Variants in MACF1 observed in about 807,000 individuals in gnomAD.
MACF1 encodes microtubule-actin cross-linking factor 1.
MACF1 carries 193 observed loss-of-function variants against 854.8 expected under a neutral mutation model. The ratio of observed to expected loss-of-function variants is 0.23; its 90% CI spans 0.20 to 0.25. The LOEUF is 0.25. Ranked by LOEUF, MACF1 falls within the 10% of genes least tolerant of loss-of-function variation. MACF1 has a pLI of 1.00. For missense variants in MACF1, 7,722 were observed against 8,929.1 expected (o/e 0.86, Z 5.45); for synonymous variants, 3,185 against 3,226.7 (o/e 0.99, Z 0.44).
At chr1:39,102,441 G>GC (rs1557454151) in intron 2 of MACF1, among the ~76,000 whole-genome samples, 1 of 150,014 alleles carries the variant, frequency 6.7e-6, no homozygotes, top group African/African-American at 2.5e-5. Context: ...AGGCGGGGGG[G>GC]GGGTCAAGGA....
At chr1:39,119,744 G>C (rs140392348) in intron 2 of MACF1, among the ~76,000 whole-genome samples, 11 of 151,840 alleles carry the variant, frequency 7.2e-5, no homozygotes, top group Non-Finnish European at 1.3e-4. Context: ...TGCTTTTCCC[G>C]TCCATCCAGT....
At chr1:39,337,778 T>G (rs1022108830) in intron 38 of MACF1, among the ~76,000 whole-genome samples, 1 of 145,730 alleles carries the variant, frequency 6.9e-6, no homozygotes, top group East Asian at 2.0e-4. Flanking sequence ...TGTGTGTGTG[T>G]TTTTTTTTTG....
At position 39,442,066 on chromosome 1, in the gene MACF1, G is replaced by T. The variant is rs187037033; in HGVS notation, c.18774+13G>T. 83 of 1,602,438 alleles carry T rather than the reference G, an allele frequency of 5.2e-5. No homozygotes were observed. The African/African-American group carries it at 8.8e-4, about 17-fold the overall frequency. On this transcript the variant is annotated intron_variant, in intron 75 of 100. Coordinates refer to ENST00000564288, the MANE Select transcript of MACF1 (RefSeq NM_001394062.1). ...AAATGAAATGAAGGTTTGTATCTGG[G>T]TATGGCTTTTGAAGAAGAATTGTTT...
At chr1:39,410,492 T>G in intron 58 of MACF1, 1 of 1,614,020 alleles carries the variant, frequency 6.2e-7, no homozygotes, top group Non-Finnish European at 8.5e-7. Flanking sequence ...AATGGTACAT[T>G]AGGAGCAGCA....
At chr1:39,276,256 T>C (rs1571253104) in intron 6 of MACF1, among the ~76,000 whole-genome samples, 1 of 152,090 alleles carries the variant, frequency 6.6e-6, no homozygotes, top group Non-Finnish European at 1.5e-5. Flanking sequence ...GGTCTGATGC[T>C]TTATCTTTAG....
Position 39,084,380 on chromosome 1 carries a change from G to A in MACF1, c.162G>A (p.Lys54=), listed in dbSNP as rs1305326416. The change falls in exon 2 of 94, where the codon AAG becomes AAA. Residue 54 remains lysine, a synonymous_variant. Transcript: ENST00000361689. The surrounding 1 kb of genome is among the most constrained non-coding windows in gnomAD (Gnocchi z 5.2). ...ACCTGCCACTGCATGAGCAGAAAAA[G>A]CGGAAAAGCCAGGATTCGGTGCTGG... 1.2e-6 allele frequency: 2 copies of A among 1,613,418 alleles called. No homozygotes were observed. The highest frequency in any genetic ancestry group is 2.7e-5 in the African/African-American group (2 of 74,918).
intron 57 of MACF1, 110 bp downstream of exon 57, chr1:39,386,039 C>A: frequency 1.6e-6 from 2 of 1,267,518 alleles, no homozygotes; most frequent in Non-Finnish European, 2.1e-6. Flanking sequence ...AATTTGTAGA[C>A]TCAGAATGGT....
chr1:39,383,562 C>T (rs1004456951), intron 56 of MACF1, among the ~76,000 whole-genome samples: 5 of 151,960 alleles, frequency 3.3e-5, no homozygotes, highest in African/African-American at 9.7e-5. Context: ...TAGCATTTTC[C>T]GAAACATAAA....
chr1:39,403,842 G>A (rs191898500), intron 58 of MACF1, among the ~76,000 whole-genome samples: 5 of 64,934 alleles, frequency 7.7e-5, no homozygotes, highest in East Asian at 5.1e-4. Flanking sequence ...ATTTTTGGGC[G>A]GGGGGGCCGG....
chr1:39,381,183 G>A (rs1650156995), intron 55 of MACF1, among the ~76,000 whole-genome samples: 1 of 151,712 alleles, frequency 6.6e-6, no homozygotes, highest in Non-Finnish European at 1.5e-5. Flanking sequence ...TCAGCCTCCC[G>A]AGTAGCTGGC....
intron 97 of MACF1, 44 bp downstream of exon 97, chr1:39,469,659 T>C (rs999530024): frequency 3.1e-5 from 45 of 1,436,462 alleles, no homozygotes; most frequent in African/African-American, 1.8e-4. Flanking sequence ...CCCTAGCCCA[T>C]TGAGAATGGC....
chr1:39,422,200 G>A (rs1481041606), intron 58 of MACF1, among the ~76,000 whole-genome samples, 174 bp from the exon 59 acceptor site: 2 of 152,214 alleles, frequency 1.3e-5, no homozygotes, highest in African/African-American at 4.8e-5. Context: ...AGAATGTATT[G>A]AAATACAAAA....
At chr1:39,256,402 G>A (rs1040086993) in intron 5 of MACF1, among the ~76,000 whole-genome samples, 1 of 152,112 alleles carries the variant, frequency 6.6e-6, no homozygotes, top group Non-Finnish European at 1.5e-5. Flanking sequence ...TAGAAGAGGA[G>A]ACCAAGATAC....
intron 58 of MACF1, among the ~76,000 whole-genome samples, chr1:39,420,661 G>A (rs536125708): frequency 6.6e-6 from 1 of 152,200 alleles, no homozygotes; most frequent in East Asian, 1.9e-4. Flanking sequence ...TAATCCTAGT[G>A]TGGTCTGTAG....
At chr1:39,323,174 T>C (rs1646544366) in intron 33 of MACF1, among the ~76,000 whole-genome samples, 166 bp downstream of exon 33, 1 of 152,040 alleles carries the variant, frequency 6.6e-6, no homozygotes. Context: ...ATCCCCTCTC[T>C]ACAAAAAATA....
At position 39,234,449 on chromosome 1, in the gene MACF1, C is replaced by T. The variant is rs1333151499; in HGVS notation, c.171+3206C>T. ...CCCCCCACCTCCCTCCCGGACGGGG[C>T]GGCTGGCCTGGCAGAGGAGCTCCTC... On this transcript the variant is annotated intron_variant, in intron 2 of 100. Transcript: ENST00000564288. 3.4e-4 allele frequency among the ~76,000 whole-genome samples: 49 copies of T among 143,228 alleles called. 1 individual carries two copies. The highest frequency in any genetic ancestry group is 1.9e-3 in the Admixed American group (28 of 14,636). 94.0% of individuals were successfully genotyped at this position (143,228 alleles called of 152,430 possible).
At chr1:39,477,460 C>G (rs144569667) in intron 97 of MACF1, among the ~76,000 whole-genome samples, 286 of 152,108 alleles carry the variant, frequency 1.9e-3, no homozygotes, top group African/African-American at 6.1e-3. Flanking sequence ...TGGGCTCGAG[C>G]AGTCTGCCCT....
chr1:39,372,690 A>G, intron 52 of MACF1, 94 bp downstream of exon 52: 2 of 861,860 alleles, frequency 2.3e-6, no homozygotes, highest in Non-Finnish European at 3.9e-6. Flanking sequence ...GTGAAAATCA[A>G]GGTTGGATAT....
chr1:39,310,068 TTCTGCTTCTTAA>T (rs1646270260), intron 24 of MACF1, among the ~76,000 whole-genome samples, 165 bp from the exon 25 acceptor site: 1 of 152,224 alleles, frequency 6.6e-6, no homozygotes, highest in African/African-American at 2.4e-5. Flanking sequence ...GCTGGTAATG[TTCTGCTTCTTAA>T]TCTGAATGCT....
Sources: allele counts gnomAD v4.1 joint callset (sites outside exome capture counted in the v4.1 genomes callset), GRCh38; gene constraint gnomAD v4.1.1; non-coding constraint Gnocchi (gnomAD v3.1); transcripts MANE v1.5; gene names NCBI Gene and HGNC (gene_info 2026-07-23, HGNC 2026-07-21).